TUT4: variants seen among roughly 807,000 people sequenced by gnomAD.
TUT4 encodes terminal uridylyl transferase 4.
In TUT4, 36 loss-of-function variants were observed where a neutral mutation model predicts 192.2. The observed-to-expected ratio is 0.19, with a 90% CI of 0.14 to 0.25. The LOEUF (loss-of-function observed/expected upper bound fraction) is 0.25. TUT4 is among the 10% of genes least tolerant of loss of function. The pLI, the probability that TUT4 is intolerant of heterozygous loss-of-function variation, is 1.00. For synonymous variants in TUT4, 618 were observed against 666.0 expected (o/e 0.93, Z 1.11); for missense variants, 1,493 against 1,957.2 (o/e 0.76, Z 4.47).
At chr1:52,444,648 C>G (rs532587807) in intron 24 of TUT4, among the ~76,000 whole-genome samples, 6 of 149,638 alleles carry the variant, frequency 4.0e-5, no homozygotes, top group African/African-American at 1.5e-4. Flanking sequence ...TGCACTTAAT[C>G]TAGTGTGCAT....
chr1:52,490,150 C>CTTTTT (rs34451806), intron 8 of TUT4, among the ~76,000 whole-genome samples: 3 of 120,380 alleles, frequency 2.5e-5, no homozygotes, highest in East Asian at 2.6e-4. Context: ...AGAAGAGAGG[C>CTTTTT]TTTTTTTTTT....
At chr1:52,448,350 G>A (rs748988579) in intron 20 of TUT4, among the ~76,000 whole-genome samples, 45 of 152,268 alleles carry the variant, frequency 3.0e-4, no homozygotes, top group Middle Eastern at 3.4e-3. Flanking sequence ...CACTTTGGGA[G>A]GCCGAGGCAG....
At chr1:52,451,283 G>T (rs1659348179) in intron 20 of TUT4, among the ~76,000 whole-genome samples, 1 of 150,840 alleles carries the variant, frequency 6.6e-6, no homozygotes, top group African/African-American at 2.4e-5. Context: ...AAAAAAATAA[G>T]AATAAGAATA....
At chr1:52,509,748 GA>G in intron 3 of TUT4, 36 bp from the exon 4 acceptor site, 1 of 1,177,426 alleles carries the variant, frequency 8.5e-7, no homozygotes, top group Non-Finnish European at 1.3e-6. Flanking sequence ...ACTTTATTCA[GA>G]AAACAGAGGA....
chr1:52,544,181 G>A (rs1253689770), intron 1 of TUT4, among the ~76,000 whole-genome samples: 2 of 151,948 alleles, frequency 1.3e-5, no homozygotes, highest in East Asian at 1.9e-4. Flanking sequence ...CAGGCTACTC[G>A]GGAGGCTGAG....
chr1:52,546,983 C>A (rs1024525845), intron 1 of TUT4, among the ~76,000 whole-genome samples: 3 of 151,456 alleles, frequency 2.0e-5, no homozygotes, highest in Non-Finnish European at 2.9e-5. Flanking sequence ...ATAAATAAAT[C>A]AATCAAAAAA....
At chr1:52,424,337 CCA>C (rs1186228602) in intron 29 of TUT4, 2 of 294,948 alleles carry the variant, frequency 6.8e-6, no homozygotes, top group East Asian at 1.6e-4. Flanking sequence ...AAGAGCTCAA[CCA>C]CAGTCAAGGC....
chr1:52,547,877 T>C (rs936286418), intron 1 of TUT4, among the ~76,000 whole-genome samples: 6 of 152,196 alleles, frequency 3.9e-5, no homozygotes, highest in African/African-American at 1.2e-4. Flanking sequence ...TGATTGTTAA[T>C]GGGAACTGGG....
At chr1:52,501,199 T>C (rs1471041860) in intron 4 of TUT4, among the ~76,000 whole-genome samples, 1 of 152,154 alleles carries the variant, frequency 6.6e-6, no homozygotes, top group Non-Finnish European at 1.5e-5. Context: ...ATATTTGCAA[T>C]CATGTATCTA....
At chr1:52,474,783 C>A in intron 13 of TUT4, 49 bp downstream of exon 13, 1 of 1,459,124 alleles carries the variant, frequency 6.9e-7, no homozygotes, top group South Asian at 1.3e-5. Context: ...TATACATAGT[C>A]ATACAACAAC....
At position 52,500,592 on chromosome 1, in the gene TUT4, G is replaced by A. The variant is rs376981157; in HGVS notation, c.1000-3409C>T. Among the ~76,000 whole-genome samples, 15 of 152,134 alleles carry A rather than the reference G, an allele frequency of 9.9e-5. No individual in the cohort carries two copies. In the East Asian group the frequency reaches 1.4e-3, roughly 14 times the overall value. ...AGCCCAACCAACATGGCAAAACTCC[G>A]TCTCTACTAAATACAAAAAACTAGC... On this transcript the variant is annotated intron_variant, in intron 4 of 29. Coordinates refer to ENST00000257177, the MANE Select transcript of TUT4 (RefSeq NM_001009881.3).
chr1:52,524,437 T>C (rs111765078), intron 2 of TUT4, among the ~76,000 whole-genome samples: 13,361 of 151,478 alleles, frequency 0.088, 745 homozygotes, highest in East Asian at 0.2. Context: ...GGCAGGAGAA[T>C]GGCGTGAACC....
At chr1:52,507,476 T>G (rs551378826) in intron 4 of TUT4, among the ~76,000 whole-genome samples, 2 of 152,304 alleles carry the variant, frequency 1.3e-5, no homozygotes, top group East Asian at 1.9e-4. Flanking sequence ...TGTATTTTTT[T>G]TTTGTTTGTC....
intron 1 of TUT4, among the ~76,000 whole-genome samples, chr1:52,546,625 C>T (rs908855068): frequency 2.6e-5 from 4 of 152,088 alleles, no homozygotes; most frequent in Non-Finnish European, 4.4e-5. Context: ...GGCTGCACAA[C>T]ATTATGAATG....
At chr1:52,514,223 T>A (rs1039121912) in intron 3 of TUT4, among the ~76,000 whole-genome samples, 3 of 152,126 alleles carry the variant, frequency 2.0e-5, no homozygotes, top group Non-Finnish European at 4.4e-5. Flanking sequence ...GGTGGATCAT[T>A]TGAGGTCAGG....
At chr1:52,541,208 T>TAAAA (rs548079594) in intron 1 of TUT4, among the ~76,000 whole-genome samples, 1 of 84,602 alleles carries the variant, frequency 1.2e-5, no homozygotes, top group African/African-American at 4.5e-5. Flanking sequence ...GACTCTGTCT[T>TAAAA]AAAAAAAAAA....
chr1:52,485,240 G>A lies in TUT4; in HGVS notation c.1516-3317C>T, dbSNP rs1669494833. On this transcript the variant is annotated intron_variant, in intron 9 of 29. Coordinates refer to ENST00000257177, the MANE Select transcript of TUT4 (RefSeq NM_001009881.3). Reference sequence around the variant, plus strand: ...TTATAATTTATGTTGCTGTCATAAAGGTACACATTTTTCCCCATTTCCATT... The same window carrying A: ...TTATAATTTATGTTGCTGTCATAAAAGTACACATTTTTCCCCATTTCCATT... 2.0e-5 allele frequency among the ~76,000 whole-genome samples: 3 copies of A among 152,058 alleles called. No homozygotes were observed. In the South Asian group the frequency reaches 6.2e-4, roughly 32 times the overall value.
chr1:52,448,164 A>C (rs1266191770), intron 20 of TUT4, among the ~76,000 whole-genome samples: 1 of 152,262 alleles, frequency 6.6e-6, no homozygotes, highest in East Asian at 1.9e-4. Context: ...ATATGTAAGT[A>C]TGTTACACAG....
At chr1:52,424,025 G>T in intron 29 of TUT4, 23 bp from the exon 30 acceptor site, 1 of 1,597,082 alleles carries the variant, frequency 6.3e-7, no homozygotes, top group Admixed American at 1.8e-5. Context: ...ACACAGACAG[G>T]AAACTGAAAG....
Sources: gnomAD v4.1 joint callset for allele counts (sites outside exome capture counted in the v4.1 genomes callset) on GRCh38, gnomAD v4.1.1 for gene constraint, MANE v1.5 for transcripts, NCBI Gene and HGNC (gene_info 2026-07-23, HGNC 2026-07-21) for gene names.